The following DIAPH2 variants were observed in gnomAD, a reference collection of about 807,000 sequenced individuals.
DIAPH2 encodes protein diaphanous homolog 2.
DIAPH2 carries 35 observed loss-of-function variants against 92.7 expected under a neutral mutation model. The observed-to-expected ratio is 0.38, with a 90% CI of 0.29 to 0.50. The LOEUF (loss-of-function observed/expected upper bound fraction) is 0.50. Among genes scored for constraint, DIAPH2 ranks in the 20% least tolerant of loss-of-function variants. DIAPH2 has a pLI of 0.94. For missense variants in DIAPH2, 701 were observed against 819.5 expected, an observed-to-expected ratio of 0.86 and a Z score of 1.77; for synonymous variants, 301 against 280.4, an observed-to-expected ratio of 1.07 and a Z score of -0.73.
chrX:97,161,391 G>C (rs755718367), intron 22 of DIAPH2, among the ~76,000 whole-genome samples: 1 of 110,737 alleles, frequency 9.0e-6, no homozygotes, highest in Non-Finnish European at 1.9e-5. Context: ...GACTTCAAAA[G>C]TTTTTTGTGG....
intron 4 of DIAPH2, among the ~76,000 whole-genome samples, chrX:96,813,968 AT>A (rs1023083411): frequency 9.1e-6 from 1 of 110,335 alleles, no homozygotes; most frequent in Non-Finnish European, 1.9e-5. Context: ...TTTTTCCTTC[AT>A]TTCAACCTTG....
intron 1 of DIAPH2, among the ~76,000 whole-genome samples, chrX:96,704,417 T>C (rs1268250963): frequency 9.0e-6 from 1 of 111,675 alleles, no homozygotes; most frequent in Non-Finnish European, 1.9e-5. Context: ...TGCCTGGCCT[T>C]TTTCTCCCCC....
chrX:97,253,924 G>A (rs750305623), intron 23 of DIAPH2, among the ~76,000 whole-genome samples: 1 of 111,811 alleles, frequency 8.9e-6, no homozygotes, highest in Admixed American at 9.5e-5. Context: ...TACAACAAAG[G>A]CAAGTGGGGA....
chrX:97,146,848 A>G (rs954818723), intron 22 of DIAPH2, among the ~76,000 whole-genome samples: 1 of 112,042 alleles, frequency 8.9e-6, no homozygotes, highest in Non-Finnish European at 1.9e-5. Context: ...TTTTAAAAAT[A>G]AAACAGATGA....
intron 5 of DIAPH2, among the ~76,000 whole-genome samples, chrX:96,898,418 C>A (rs1354272482): frequency 3.7e-5 from 3 of 81,007 alleles, no homozygotes; most frequent in African/African-American, 1.1e-4. Flanking sequence ...GATTGCCATT[C>A]TAACTGGTGT....
chrX:97,553,683 AAAG>A (rs1276415723), intron 26 of DIAPH2, among the ~76,000 whole-genome samples: 3 of 106,581 alleles, frequency 2.8e-5, no homozygotes, highest in African/African-American at 6.7e-5. Flanking sequence ...AAAAAAAAAA[AAAG>A]AAGAAGAAGA....
chrX:96,772,744 T>C (rs955855772), intron 4 of DIAPH2, among the ~76,000 whole-genome samples: 3 of 112,548 alleles, frequency 2.7e-5, no homozygotes, highest in African/African-American at 9.7e-5. Flanking sequence ...ATCAAAGATA[T>C]TAAAAGCATT....
At chrX:97,320,528 A>G (rs1351804200) in intron 23 of DIAPH2, among the ~76,000 whole-genome samples, 1 of 110,602 alleles carries the variant, frequency 9.0e-6, no homozygotes, top group African/African-American at 3.3e-5. Flanking sequence ...AGACTGGCCA[A>G]TTGTGGTGAA....
intron 4 of DIAPH2, among the ~76,000 whole-genome samples, chrX:96,790,314 G>A (rs866486772): frequency 6.0e-4 from 66 of 110,458 alleles, no homozygotes; most frequent in Admixed American, 4.8e-3. Flanking sequence ...CAGGTGATCC[G>A]CCTGCCTCGG....
chrX:96,775,083 T>C (rs1271040276), intron 4 of DIAPH2, among the ~76,000 whole-genome samples: 2 of 111,306 alleles, frequency 1.8e-5, no homozygotes, highest in Admixed American at 9.6e-5. Flanking sequence ...ATTTCTTCTA[T>C]TGTAATTTAG....
At chrX:96,770,755 T>G (rs1023818124) in intron 4 of DIAPH2, among the ~76,000 whole-genome samples, 1 of 112,111 alleles carries the variant, frequency 8.9e-6, no homozygotes, top group Non-Finnish European at 1.9e-5. Context: ...ACTCATTTGG[T>G]GATCAGATGA....
intron 26 of DIAPH2, among the ~76,000 whole-genome samples, chrX:97,591,299 A>C (rs2071515469): frequency 8.9e-6 from 1 of 111,871 alleles, no homozygotes; most frequent in Admixed American, 9.5e-5. Context: ...AAAATGTAAT[A>C]GATGCTACAA....
chrX:96,741,320 A>G (rs1434399909), intron 3 of DIAPH2, among the ~76,000 whole-genome samples: 3 of 108,726 alleles, frequency 2.8e-5, no homozygotes, highest in Non-Finnish European at 5.7e-5. Context: ...TTTTATTCAT[A>G]TGCACTGCTT....
At chrX:97,225,013 A>G (rs895538612) in intron 22 of DIAPH2, among the ~76,000 whole-genome samples, 1 of 111,167 alleles carries the variant, frequency 9.0e-6, no homozygotes, top group Non-Finnish European at 1.9e-5. Flanking sequence ...ATTTTGGCTT[A>G]TCATGAATCA....
chrX:96,907,758 C>T (rs1234105120), intron 5 of DIAPH2, among the ~76,000 whole-genome samples: 1 of 111,792 alleles, frequency 8.9e-6, no homozygotes, highest in Non-Finnish European at 1.9e-5. Context: ...TACCATAAGA[C>T]CCAGCTGTTC....
chrX:96,747,470 C>T (rs1214362927), intron 3 of DIAPH2, among the ~76,000 whole-genome samples: 2 of 112,172 alleles, frequency 1.8e-5, no homozygotes, highest in Admixed American at 9.5e-5. Flanking sequence ...TGATGTTTTA[C>T]ACTCTTTTCT....
intron 1 of DIAPH2, among the ~76,000 whole-genome samples, chrX:96,705,564 T>C (rs1317554989): frequency 8.9e-6 from 1 of 112,311 alleles, no homozygotes; most frequent in East Asian, 2.8e-4. Context: ...AAATAATTTT[T>C]TAAATAAACA....
At chrX:96,903,002 C>A (rs2065408825) in intron 5 of DIAPH2, among the ~76,000 whole-genome samples, 1 of 111,176 alleles carries the variant, frequency 9.0e-6, no homozygotes, top group Non-Finnish European at 1.9e-5. Context: ...ACGTAGCTAT[C>A]ACACTCTGTA....
chrX:97,327,875 C>T (rs2068965622), intron 23 of DIAPH2, among the ~76,000 whole-genome samples: 1 of 112,739 alleles, frequency 8.9e-6, no homozygotes, highest in East Asian at 2.8e-4. Flanking sequence ...CACACCCAGC[C>T]TGTTATATGT....
Sources: gnomAD v4.1 joint callset for allele counts (sites outside exome capture counted in the v4.1 genomes callset) on GRCh38, gnomAD v4.1.1 for gene constraint, MANE v1.5 for transcripts, NCBI Gene and HGNC (gene_info 2026-07-23, HGNC 2026-07-21) for gene names.